Variants in GRID2 observed in about 807,000 individuals in gnomAD.
GRID2 encodes the protein glutamate ionotropic receptor delta type subunit 2, also known as glutamate receptor ionotropic, delta-2.
GRID2 carries 33 observed loss-of-function variants against 114.8 expected under a neutral mutation model. The observed-to-expected ratio is 0.29, with a 90% CI of 0.22 to 0.38. GRID2 has a LOEUF of 0.38. GRID2 is among the 10% of genes least tolerant of loss of function. The probability of loss-of-function intolerance (pLI) is 1.00; values close to 1 mark genes in which losing one functional copy is unlikely to be tolerated. For synonymous variants in GRID2, 505 were observed against 449.9 expected (o/e 1.12, Z -1.55); for missense variants, 1,184 against 1,257.7 (o/e 0.94, Z 0.89).
At chr4:92,730,854 T>A (rs1736296431) in intron 2 of GRID2, among the ~76,000 whole-genome samples, 1 of 151,996 alleles carries the variant, frequency 6.6e-6, no homozygotes, top group Non-Finnish European at 1.5e-5. Context: ...TAGTAAATTA[T>A]TCAGAAATCT....
At chr4:92,756,794 T>A (rs1048342116) in intron 2 of GRID2, among the ~76,000 whole-genome samples, 1 of 152,136 alleles carries the variant, frequency 6.6e-6, no homozygotes, top group Non-Finnish European at 1.5e-5. Context: ...TTTTGCGCAC[T>A]TTTTAATGTT....
intron 2 of GRID2, among the ~76,000 whole-genome samples, chr4:92,813,403 G>A (rs943696524): frequency 2.0e-5 from 3 of 152,064 alleles, no homozygotes; most frequent in African/African-American, 4.8e-5. Context: ...TTCATTAATA[G>A]GTTCTACTTA....
chr4:92,884,807 A>G, intron 2 of GRID2: 1 of 327,104 alleles, frequency 3.1e-6, no homozygotes, highest in Non-Finnish European at 6.2e-6. Context: ...TAAAAATTTC[A>G]TGTTGAATCA....
intron 2 of GRID2, among the ~76,000 whole-genome samples, chr4:92,629,331 T>C (rs1010032533): frequency 6.6e-6 from 1 of 152,092 alleles, no homozygotes; most frequent in African/African-American, 2.4e-5. Flanking sequence ...AATAGTACCA[T>C]GGTATCAGGT....
chr4:92,927,084 A>G (rs956210150), intron 2 of GRID2, among the ~76,000 whole-genome samples: 9 of 151,936 alleles, frequency 5.9e-5, no homozygotes, highest in Non-Finnish European at 1.3e-4. Flanking sequence ...ATGAGACAAC[A>G]TCTTTAAAAC....
At chr4:92,906,934 T>C (rs1164378965) in intron 2 of GRID2, among the ~76,000 whole-genome samples, 1 of 152,214 alleles carries the variant, frequency 6.6e-6, no homozygotes, top group Non-Finnish European at 1.5e-5. Context: ...GAGTGCAGAA[T>C]ATGAGGCCCC....
At chr4:93,798,042 A>G (rs368756099) in intron 1 of GRID2, among the ~76,000 whole-genome samples, 1 of 152,096 alleles carries the variant, frequency 6.6e-6, no homozygotes, top group East Asian at 1.9e-4. Context: ...ACTCCCAGCT[A>G]CTTGGGAGGC....
chr4:93,249,818 T>A (rs115297815), intron 8 of GRID2, among the ~76,000 whole-genome samples: 951 of 150,844 alleles, frequency 6.3e-3, no homozygotes, highest in Non-Finnish European at 0.011. Context: ...CCCGTTAGAA[T>A]GGTGATTATT....
chr4:93,510,232 T>C (rs1729029833), intron 12 of GRID2, among the ~76,000 whole-genome samples: 1 of 152,152 alleles, frequency 6.6e-6, no homozygotes, highest in Non-Finnish European at 1.5e-5. Context: ...GACTTAAAAT[T>C]CCCCAAAGCC....
At chr4:92,330,223 C>T (rs761587474) in intron 1 of GRID2, among the ~76,000 whole-genome samples, 7 of 152,032 alleles carry the variant, frequency 4.6e-5, no homozygotes, top group African/African-American at 1.7e-4. Flanking sequence ...TTTTTTAATA[C>T]GAATATATTC....
At chr4:92,312,274 G>A (rs988116650) in intron 1 of GRID2, among the ~76,000 whole-genome samples, 3 of 152,040 alleles carry the variant, frequency 2.0e-5, no homozygotes, top group African/African-American at 7.2e-5. Context: ...AATCTTCTAG[G>A]TATATTTGGG....
chr4:93,502,902 G>A (rs767385208), intron 12 of GRID2, among the ~76,000 whole-genome samples: 5 of 152,016 alleles, frequency 3.3e-5, no homozygotes, highest in East Asian at 1.9e-4. Flanking sequence ...TTCAGAGGAC[G>A]ATTGTCATTT....
intron 4 of GRID2, among the ~76,000 whole-genome samples, chr4:93,202,395 A>G (rs1742204354): frequency 6.6e-6 from 1 of 152,204 alleles, no homozygotes; most frequent in Admixed American, 6.5e-5. Context: ...CAAATGAAAA[A>G]AGGAAAATTG....
intron 1 of GRID2, among the ~76,000 whole-genome samples, chr4:92,434,996 CTAAA>C (rs1732665398): frequency 2.0e-5 from 3 of 152,040 alleles, no homozygotes; most frequent in Admixed American, 6.5e-5. Context: ...ACTATGAAGG[CTAAA>C]TAGAGTAGGA....
intron 7 of GRID2, among the ~76,000 whole-genome samples, chr4:93,231,448 A>C (rs1427339466): frequency 7.2e-5 from 11 of 152,042 alleles, no homozygotes; most frequent in Non-Finnish European, 1.2e-4. Flanking sequence ...AACTATACAA[A>C]GAGCTACACT....
At chr4:93,705,384 G>A (rs1310320165) in intron 14 of GRID2, among the ~76,000 whole-genome samples, 2 of 150,614 alleles carry the variant, frequency 1.3e-5, no homozygotes, top group Non-Finnish European at 3.0e-5. Context: ...AGGTTGGAGT[G>A]CAGTGGCTTG....
chr4:93,710,904 T>C (rs1728424930), intron 14 of GRID2, among the ~76,000 whole-genome samples: 1 of 152,086 alleles, frequency 6.6e-6, no homozygotes, highest in Non-Finnish European at 1.5e-5. Context: ...CTACCACTGA[T>C]GTTTATTCAA....
At chr4:92,927,313 A>G (rs960230371) in intron 2 of GRID2, among the ~76,000 whole-genome samples, 1 of 151,880 alleles carries the variant, frequency 6.6e-6, no homozygotes, top group Non-Finnish European at 1.5e-5. Flanking sequence ...CTTACTTGCT[A>G]TAATAGCTTA....
chr4:93,247,736 A>G lies in GRID2; in HGVS notation c.1245+9246A>G, dbSNP rs1382252244. On this transcript the variant is annotated intron_variant, in intron 8 of 15. Coordinates refer to ENST00000282020, the MANE Select transcript of GRID2 (RefSeq NM_001510.4). ...CTCATATCAAATCTCTGTATATGGC[A>G]TATATTTATATTTAAATATATATTT... Among the ~76,000 whole-genome samples the G allele has an allele frequency of 2.6e-5, 4 of 151,584 alleles. No homozygotes were observed. The East Asian group carries it at 7.7e-4, about 29-fold the overall frequency.
Sources: gnomAD v4.1 joint callset for allele counts (sites outside exome capture counted in the v4.1 genomes callset) on GRCh38, gnomAD v4.1.1 for gene constraint, MANE v1.5 for transcripts, NCBI Gene and HGNC (gene_info 2026-07-23, HGNC 2026-07-21) for gene names.